Variants in CAPN11 observed in about 807,000 individuals in gnomAD.
The protein encoded by CAPN11 is calpain 11.
A neutral mutation model predicts 105.3 loss-of-function variants in CAPN11; 108 were observed. The ratio of observed to expected loss-of-function variants is 1.03; its 90% CI spans 0.88 to 1.20. CAPN11 has a LOEUF of 1.20. CAPN11 is among the 50% of genes most tolerant of loss of function. The pLI is 0.00. For missense variants in CAPN11, 883 were observed against 924.8 expected (o/e 0.95, Z 0.59); for synonymous variants, 329 against 344.5 (o/e 0.96, Z 0.50).
At chr6:44,162,311 G>C (rs2128289934) in intron 1 of CAPN11, among the ~76,000 whole-genome samples, 1 of 151,712 alleles carries the variant, frequency 6.6e-6, no homozygotes, top group South Asian at 2.1e-4. Flanking sequence ...TCATCTGAAA[G>C]GGGCTCCACT....
At chr6:44,183,883 G>A (rs370685760) in intron 22 of CAPN11, 23 bp from the exon 23 acceptor site, 2 of 1,561,918 alleles carry the variant, frequency 1.3e-6, no homozygotes, top group Non-Finnish European at 1.7e-6. Flanking sequence ...TCCCACCCTG[G>A]GATCTGCTTC....
chr6:44,180,075 G>A lies in CAPN11; in HGVS notation c.1552G>A (p.Glu518Lys), dbSNP rs770920597. The A allele has an allele frequency of 6.8e-6, 11 of 1,613,430 alleles. No individual in the cohort carries two copies. Among genetic ancestry groups the A allele is most frequent in the East Asian group, 4.5e-5 (2 of 44,882 alleles). The change falls in exon 14 of 23, where the codon GAA (glutamate) becomes AAA (lysine). Residue 518 changes from glutamate (E) to lysine (K), a missense_variant. Glu to Lys is a moderately conservative substitution (Grantham distance 56). Transcript: ENST00000398776. ...CAGCCAACTCCGGCTGCCTCCGGGG[G>A]AATATATCATTATTCCCTCCACCTT... The part of the protein sequence containing the change: ...VSSQLRLPPG[E>K]YIIIPSTFEP...
chr6:44,183,981 G>C lies in CAPN11; in HGVS notation c.*49G>C. 2.6e-6 allele frequency: 4 copies of C among 1,549,924 alleles called. No individual in the cohort carries two copies. The highest frequency in any genetic ancestry group is 3.5e-6 in the Non-Finnish European group (4 of 1,145,718). On this transcript the variant is annotated 3_prime_UTR_variant, in exon 23 of 23. Coordinates refer to ENST00000398776, the MANE Select transcript of CAPN11 (RefSeq NM_007058.4). ...CTCTACCAGCAGCAGCAGCAGCGAG[G>C]TTCTAGCCCAGGAGGGTGGGGTGCT... is the stretch of plus-strand genomic sequence containing the variant.
At chr6:44,167,225 G>A (rs550326755) in intron 2 of CAPN11, among the ~76,000 whole-genome samples, 116 of 152,196 alleles carry the variant, frequency 7.6e-4, no homozygotes, top group African/African-American at 2.7e-3. Flanking sequence ...TAGGCCGGGC[G>A]TGGTGGCTCA....
intron 5 of CAPN11, 87 bp downstream of exon 5, chr6:44,172,507 G>T: frequency 1.3e-6 from 1 of 765,130 alleles, no homozygotes; most frequent in Non-Finnish European, 2.0e-6. Context: ...CTTTCCTTTT[G>T]AAAAATAGCA....
intron 2 of CAPN11, chr6:44,168,830 A>G: frequency 3.0e-6 from 1 of 337,890 alleles, no homozygotes; most frequent in Non-Finnish European, 5.9e-6. Flanking sequence ...CATGTTGGGC[A>G]GGCTGGTCTC....
intron 16 of CAPN11, 29 bp from the exon 17 acceptor site, chr6:44,180,719 C>G: frequency 6.2e-7 from 1 of 1,613,410 alleles, no homozygotes; most frequent in Non-Finnish European, 8.5e-7. Flanking sequence ...TGGAGGGGCC[C>G]GAGTGGGGTT....
At chr6:44,177,998 C>T (rs550748258) in intron 12 of CAPN11, among the ~76,000 whole-genome samples, 18 of 152,270 alleles carry the variant, frequency 1.2e-4, no homozygotes, top group Admixed American at 2.0e-4. Context: ...GCTAGGACTA[C>T]AGGCAATTGT....
chr6:44,161,374 G>A (rs1768771918), intron 1 of CAPN11, among the ~76,000 whole-genome samples: 2 of 152,032 alleles, frequency 1.3e-5, no homozygotes, highest in African/African-American at 4.8e-5. Context: ...TCATTTTTGT[G>A]TTCTTAGTAG....
Position 44,173,695 on chromosome 6 carries a change from C to T in CAPN11, c.831+309C>T, listed in dbSNP as rs548289808. 1.5e-4 allele frequency among the ~76,000 whole-genome samples: 23 copies of T among 151,990 alleles called. No individual in the cohort carries two copies. In the South Asian group the frequency reaches 4.4e-3, roughly 29 times the overall value. On this transcript the variant is annotated intron_variant, in intron 7 of 22. Coordinates refer to ENST00000398776, the MANE Select transcript of CAPN11 (RefSeq NM_007058.4). ...CCTCCTGGGTTCAAGTGATTCTCCTCCCTCAGCCTCCCAAGGAGCTGGGAT... is the reference window on the plus strand; with the variant it reads ...CCTCCTGGGTTCAAGTGATTCTCCTTCCTCAGCCTCCCAAGGAGCTGGGAT...
At position 44,183,925 on chromosome 6, in the gene CAPN11, G is replaced by T; in HGVS notation, c.2213G>T (p.Trp738Leu). The T allele has an allele frequency of 6.4e-7, 1 of 1,555,978 alleles. No individual in the cohort carries two copies. The highest frequency in any genetic ancestry group is 8.7e-7 in the Non-Finnish European group (1 of 1,149,456). Reference protein sequence around the residue: ...SLEQWLQMTMWG With the variant: ...SLEQWLQMTMLG ...CCACAGTGGCTGCAGATGACCATGT[G>T]GGGATAGAGGCGCTGTAGGAGCCTG... Residue 738 changes from tryptophan to leucine, a missense_variant, in exon 23 of 23, where the codon TGG becomes TTG. By Grantham distance (61) the Trp-to-Leu change is moderately conservative. Coordinates refer to ENST00000398776, the MANE Select transcript of CAPN11 (RefSeq NM_007058.4).
intron 7 of CAPN11, among the ~76,000 whole-genome samples, chr6:44,173,821 T>G (rs1771470013): frequency 6.6e-6 from 1 of 152,294 alleles, no homozygotes; most frequent in East Asian, 1.9e-4. Context: ...TGACCTCAAC[T>G]GATCCACCCA....
Position 44,158,860 on chromosome 6 carries a change from C to G in CAPN11, c.12C>G (p.Ser4=). The part of the protein sequence containing the change: MLY[S]PGPSLPESAE... The stretch of plus-strand genomic sequence containing the variant: ...AGCTAGCCACCAGCATGCTGTACTC[C>G]CCAGGTAGGCACTCATGGGGCCTTG... Residue 4 remains serine (S), a synonymous_variant, in exon 1 of 23, where the codon TCC becomes TCG. Transcript: ENST00000398776. 6.4e-7 allele frequency: 1 copy of G among 1,551,344 alleles called. No homozygotes were observed. Among genetic ancestry groups the G allele is most frequent in the Non-Finnish European group, 8.7e-7 (1 of 1,146,786 alleles).
At chr6:44,178,239 C>T (rs780469056) in intron 12 of CAPN11, among the ~76,000 whole-genome samples, 5 of 152,000 alleles carry the variant, frequency 3.3e-5, no homozygotes, top group Non-Finnish European at 5.9e-5. Context: ...AGTCACTTGC[C>T]CAAGCTCACA....
Position 44,171,985 on chromosome 6 carries a change from G to A in CAPN11, c.410-317G>A, listed in dbSNP as rs554900079. Among the ~76,000 whole-genome samples, 10 of 152,306 alleles carry A rather than the reference G, an allele frequency of 6.6e-5. No individual in the cohort carries two copies. The East Asian group carries it at 1.2e-3, about 18-fold the overall frequency. Reference sequence around the variant, plus strand: ...GGAGGCTGAGACAGGAGAATCGCTCGAACCCAGGAGGCAGAGGTTGCGGTG... The same window carrying A: ...GGAGGCTGAGACAGGAGAATCGCTCAAACCCAGGAGGCAGAGGTTGCGGTG... On this transcript the variant is annotated intron_variant, in intron 4 of 22. Coordinates refer to ENST00000398776, the MANE Select transcript of CAPN11 (RefSeq NM_007058.4).
At chr6:44,161,655 T>G in intron 1 of CAPN11, 1 of 392,322 alleles carries the variant, frequency 2.5e-6, no homozygotes, top group Non-Finnish European at 5.2e-6. Context: ...CTTGTTGGGC[T>G]GGATGGTGAC....
In CAPN11 at chr6:44,166,136, G is replaced by A. The variant is rs761941085; in HGVS notation, c.17-622G>A. Among the ~76,000 whole-genome samples, 90 of 152,130 alleles carry A rather than the reference G, an allele frequency of 5.9e-4. 1 individual carries two copies. The highest frequency in any genetic ancestry group is 1.2e-3 in the Non-Finnish European group (85 of 68,026). ...GGAAATCCCAAGGAGGTACTCGTGTGGAACAGGAGAAGGGGTTTGCTTGGG... is the reference window on the plus strand; with the variant it reads ...GGAAATCCCAAGGAGGTACTCGTGTAGAACAGGAGAAGGGGTTTGCTTGGG... On this transcript the variant is annotated intron_variant, in intron 1 of 22. Coordinates refer to ENST00000398776, the MANE Select transcript of CAPN11 (RefSeq NM_007058.4).
chr6:44,176,401 C>T (rs936146492), intron 9 of CAPN11, 63 bp downstream of exon 9: 23 of 1,452,714 alleles, frequency 1.6e-5, no homozygotes, highest in African/African-American at 1.1e-4. Context: ...CCAGGTGGAC[C>T]GACTGGTGTC....
Position 44,176,149 on chromosome 6 carries a change from G to A in CAPN11, c.913G>A (p.Asp305Asn). 2 of 1,609,728 alleles carry A rather than the reference G, an allele frequency of 1.2e-6. No individual in the cohort carries two copies. The highest frequency in any genetic ancestry group is 1.7e-6 in the Non-Finnish European group (2 of 1,176,804). ...GHAYSVTGLQ[D>N]VHYRGKMETL... ...CGCTTACTCTGTGACTGGCCTTCAG[G>A]ATGTGAGTCCTGAGAAATGCGCCCT... is the stretch of plus-strand genomic sequence containing the variant. Residue 305 changes from aspartate to asparagine, a missense_variant and splice_region_variant, in exon 8 of 23, where the codon GAT becomes AAT. Transcript: ENST00000398776.
Sources: gnomAD v4.1 joint callset for allele counts (sites outside exome capture counted in the v4.1 genomes callset) on GRCh38, gnomAD v4.1.1 for gene constraint, MANE v1.5 for transcripts, NCBI Gene and HGNC (gene_info 2026-07-23, HGNC 2026-07-21) for gene names.